The following GABRB1 variants were observed in gnomAD, a reference collection of about 807,000 sequenced individuals.
The protein encoded by GABRB1 is gamma-aminobutyric acid type A receptor subunit beta1.
A neutral mutation model predicts 51.6 loss-of-function variants in GABRB1; 17 were observed. The ratio of observed to expected loss-of-function variants is 0.33; its 90% confidence interval spans 0.23 to 0.49. GABRB1 has a LOEUF of 0.49. GABRB1 is among the 20% of genes least tolerant of loss of function. The pLI, the probability that GABRB1 is intolerant of heterozygous loss-of-function variation, is 0.99. For missense variants in GABRB1, 410 were observed against 600.6 expected, an observed-to-expected ratio of 0.68 and a Z score of 3.32; for synonymous variants, 247 against 218.9, an observed-to-expected ratio of 1.13 and a Z score of -1.14.
At chr4:47,119,599 C>A (rs1195357428) in intron 3 of GABRB1, among the ~76,000 whole-genome samples, 3 of 151,512 alleles carry the variant, frequency 2.0e-5, no homozygotes, top group Admixed American at 1.3e-4. Context: ...ACCTCTGCCT[C>A]CAGGGTTCAA....
chr4:47,059,447 C>T (rs1726755510), intron 3 of GABRB1, among the ~76,000 whole-genome samples: 1 of 152,186 alleles, frequency 6.6e-6, no homozygotes, highest in South Asian at 2.1e-4. Context: ...ACTGGGACTA[C>T]AGGCATGCAA....
At chr4:47,081,114 C>T (rs944147239) in intron 3 of GABRB1, among the ~76,000 whole-genome samples, 6 of 152,156 alleles carry the variant, frequency 3.9e-5, no homozygotes, top group African/African-American at 9.6e-5. Context: ...AAAATAATAC[C>T]TCCTTAAGAT....
At chr4:47,033,955 ATAT>A (rs1291456815) in intron 3 of GABRB1, among the ~76,000 whole-genome samples, 2 of 152,228 alleles carry the variant, frequency 1.3e-5, no homozygotes, top group South Asian at 2.1e-4. Flanking sequence ...AACCCAAAAC[ATAT>A]TATTTAGAAA....
chr4:47,170,389 AC>A (rs1718388157), intron 4 of GABRB1, among the ~76,000 whole-genome samples: 1 of 151,416 alleles, frequency 6.6e-6, no homozygotes, highest in Admixed American at 6.6e-5. Context: ...CTACACACAC[AC>A]ACACACACAC....
chr4:47,123,927 AATATATTAT>A (rs1445603548), intron 3 of GABRB1, among the ~76,000 whole-genome samples: 7 of 109,826 alleles, frequency 6.4e-5, no homozygotes, highest in Admixed American at 1.4e-4. Context: ...TATGATATAT[AATATATTAT>A]ATATATTATA....
intron 5 of GABRB1, among the ~76,000 whole-genome samples, chr4:47,356,091 G>A (rs1172366153): frequency 6.6e-6 from 1 of 152,174 alleles, no homozygotes; most frequent in Non-Finnish European, 1.5e-5. Flanking sequence ...ATAGATTATT[G>A]TTGAATGAAT....
intron 4 of GABRB1, among the ~76,000 whole-genome samples, chr4:47,214,748 A>G (rs1001518963): frequency 6.6e-6 from 1 of 152,114 alleles, no homozygotes; most frequent in African/African-American, 2.4e-5. Flanking sequence ...GTATCCTCCC[A>G]TCTCCCACTT....
At chr4:47,045,784 C>T (rs1327511645) in intron 3 of GABRB1, among the ~76,000 whole-genome samples, 1 of 152,004 alleles carries the variant, frequency 6.6e-6, no homozygotes, top group Non-Finnish European at 1.5e-5. Context: ...TATATCGGAG[C>T]TCAAGTTTTG....
chr4:47,218,112 T>G (rs1469453180), intron 4 of GABRB1, among the ~76,000 whole-genome samples: 2 of 151,902 alleles, frequency 1.3e-5, no homozygotes, highest in Non-Finnish European at 2.9e-5. Context: ...CCTGGTTTAT[T>G]TCACTTAATG....
chr4:47,245,396 T>C lies in GABRB1; in HGVS notation c.462-74731T>C, dbSNP rs954568479. 3.9e-5 allele frequency among the ~76,000 whole-genome samples: 6 copies of C among 152,272 alleles called. No individual in the cohort carries two copies. The South Asian group carries it at 1.2e-3, about 32-fold the overall frequency. On this transcript the variant is annotated intron_variant, in intron 4 of 8. Transcript: ENST00000295454. ...ATTCCCTCAGAGAAAGAGTAGGGGA[T>C]ACCAATGTTCAATTATTCATCACGT...
chr4:47,007,870 A>ATATATATATATATATATG (rs1433272203), intron 1 of GABRB1, among the ~76,000 whole-genome samples: 1 of 38,250 alleles, frequency 2.6e-5, no homozygotes, highest in African/African-American at 9.5e-5. Context: ...GAACTGGTAT[A>ATATATATATATATATATG]TATATATATA....
intron 3 of GABRB1, among the ~76,000 whole-genome samples, chr4:47,063,978 C>G (rs976517126): frequency 6.6e-6 from 1 of 152,084 alleles, no homozygotes; most frequent in African/African-American, 2.4e-5. Flanking sequence ...CAGCAAACCA[C>G]CATGGCACAC....
intron 3 of GABRB1, among the ~76,000 whole-genome samples, chr4:47,157,515 A>G (rs1717758477): frequency 6.6e-6 from 1 of 152,118 alleles, no homozygotes. Flanking sequence ...TTAAAATATA[A>G]TAAGTAGTTT....
At chr4:47,323,325 G>A (rs1308430275) in intron 5 of GABRB1, among the ~76,000 whole-genome samples, 1 of 152,132 alleles carries the variant, frequency 6.6e-6, no homozygotes, top group African/African-American at 2.4e-5. Context: ...AACCAATGTA[G>A]AGTTCCTAAA....
At chr4:47,326,439 T>G (rs1287497714) in intron 5 of GABRB1, among the ~76,000 whole-genome samples, 1 of 152,216 alleles carries the variant, frequency 6.6e-6, no homozygotes, top group East Asian at 1.9e-4. Flanking sequence ...CATTATATTT[T>G]TATAACTATT....
rs147015265 is a variant in GABRB1, at chr4:47,393,702, C to T, written c.545-9616C>T. Among the ~76,000 whole-genome samples the T allele has an allele frequency of 2.9e-4, 44 of 152,318 alleles. 1 individual carries two copies. The East Asian group carries it at 8.1e-3, about 28-fold the overall frequency. On this transcript the variant is annotated intron_variant, in intron 5 of 8. Transcript: ENST00000295454. ...ATTATTCCCTGTATACAGTATTCAT[C>T]CTATATGTTACTTCTTCTGCCAGGC...
chr4:47,168,250 T>C (rs938848546), intron 4 of GABRB1, among the ~76,000 whole-genome samples: 2 of 152,306 alleles, frequency 1.3e-5, no homozygotes, highest in Admixed American at 6.5e-5. Context: ...TATGTACTAC[T>C]ATTAAGCTAA....
intron 4 of GABRB1, among the ~76,000 whole-genome samples, chr4:47,305,923 C>A (rs1353268493): frequency 6.6e-6 from 1 of 151,966 alleles, no homozygotes; most frequent in Non-Finnish European, 1.5e-5. Flanking sequence ...GGATATTTTT[C>A]TTTTTTTAAA....
At chr4:47,226,248 G>A (rs1298046019) in intron 4 of GABRB1, among the ~76,000 whole-genome samples, 1 of 152,112 alleles carries the variant, frequency 6.6e-6, no homozygotes, top group African/African-American at 2.4e-5. Context: ...TAGTAAATAT[G>A]AAGTGCTGGA....
Sources: allele counts gnomAD v4.1 joint callset (sites outside exome capture counted in the v4.1 genomes callset), GRCh38; gene constraint gnomAD v4.1.1; transcripts MANE v1.5; gene names NCBI Gene and HGNC (gene_info 2026-07-23, HGNC 2026-07-21).